Variants in NCKAP5 observed in about 807,000 individuals in gnomAD.
NCKAP5 encodes the protein NCK associated protein 5, also known as nck-associated protein 5.
In NCKAP5, 92 loss-of-function variants were observed where a neutral mutation model predicts 167.0. The ratio of observed to expected loss-of-function variants is 0.55; its 90% CI spans 0.47 to 0.66. NCKAP5 has a LOEUF of 0.66. Ranked by LOEUF, NCKAP5 falls within the 30% of genes least tolerant of loss-of-function variation. NCKAP5 has a pLI of 0.00. For missense variants in NCKAP5, 2,378 were observed against 2,315.0 expected (o/e 1.03, Z -0.56); for synonymous variants, 891 against 877.4 (o/e 1.02, Z -0.27).
intron 6 of NCKAP5, among the ~76,000 whole-genome samples, chr2:133,076,281 C>T (rs1240198064): frequency 1.3e-5 from 2 of 152,136 alleles, no homozygotes; most frequent in African/African-American, 4.8e-5. Flanking sequence ...ATTGAAAATA[C>T]CTATACTGTA....
chr2:132,991,074 G>A (rs2077434849), intron 7 of NCKAP5, among the ~76,000 whole-genome samples: 1 of 152,146 alleles, frequency 6.6e-6, no homozygotes, highest in Non-Finnish European at 1.5e-5. Flanking sequence ...GAAGTCCTCA[G>A]CATAAGAGCT....
intron 6 of NCKAP5, among the ~76,000 whole-genome samples, chr2:133,091,892 AAAAT>A (rs2081197469): frequency 6.6e-6 from 1 of 152,194 alleles, no homozygotes; most frequent in Non-Finnish European, 1.5e-5. Flanking sequence ...ACCTCAAAGA[AAAAT>A]AAATAAATAA....
At chr2:133,217,987 G>A (rs768857961) in intron 4 of NCKAP5, among the ~76,000 whole-genome samples, 2 of 152,048 alleles carry the variant, frequency 1.3e-5, no homozygotes, top group Non-Finnish European at 2.9e-5. Context: ...CTAAGTAAGA[G>A]CACTGAATGA....
At chr2:133,275,018 A>T (rs887284006) in intron 4 of NCKAP5, among the ~76,000 whole-genome samples, 16 of 152,002 alleles carry the variant, frequency 1.1e-4, no homozygotes, top group Non-Finnish European at 2.2e-4. Flanking sequence ...AACCATGAAA[A>T]ATATGTATTA....
At chr2:133,330,244 A>T (rs375499231) in intron 3 of NCKAP5, among the ~76,000 whole-genome samples, 515 of 87,956 alleles carry the variant, frequency 5.9e-3, no homozygotes, top group Admixed American at 7.0e-3. Context: ...TATTTTTTGT[A>T]TTTTTTTTTT....
intron 2 of NCKAP5, among the ~76,000 whole-genome samples, chr2:133,538,854 A>T (rs1685959298): frequency 2.6e-5 from 4 of 151,678 alleles, no homozygotes; most frequent in Admixed American, 2.6e-4. Context: ...ATAGGTCTTG[A>T]ACCAAGTCAC....
intron 5 of NCKAP5, among the ~76,000 whole-genome samples, chr2:133,173,434 A>G (rs1483643906): frequency 6.6e-6 from 1 of 152,090 alleles, no homozygotes; most frequent in Non-Finnish European, 1.5e-5. Flanking sequence ...TCCATTGTTG[A>G]TTTTGGCAAG....
chr2:133,638,614 C>T, the NCKAP5 span, among the ~76,000 whole-genome samples: 8 of 152,234 alleles, frequency 5.3e-5, no homozygotes, highest in East Asian at 1.5e-3. Flanking sequence ...AATCCCAGCG[C>T]TTTAGGAGGC....
intron 19 of NCKAP5, among the ~76,000 whole-genome samples, chr2:132,720,728 G>A (rs1192120205): frequency 2.6e-5 from 4 of 152,188 alleles, no homozygotes; most frequent in East Asian, 1.9e-4. Flanking sequence ...CCAGGGAACC[G>A]GCCCGGCACA....
At chr2:133,288,034 A>G (rs1056231014) in intron 4 of NCKAP5, among the ~76,000 whole-genome samples, 3 of 152,320 alleles carry the variant, frequency 2.0e-5, no homozygotes, top group African/African-American at 7.2e-5. Context: ...TTAGTTTGCA[A>G]ACTAATCCCT....
chr2:133,640,843 G>C, the NCKAP5 span, among the ~76,000 whole-genome samples: 1 of 152,254 alleles, frequency 6.6e-6, no homozygotes, highest in Non-Finnish European at 1.5e-5. Context: ...CAACAAATAT[G>C]AACAACTGCT....
intron 4 of NCKAP5, among the ~76,000 whole-genome samples, chr2:133,271,624 A>T (rs1288170438): frequency 6.6e-6 from 1 of 152,216 alleles, no homozygotes; most frequent in African/African-American, 2.4e-5. Context: ...GTCAGTGTTC[A>T]TAGAGAATTA....
chr2:133,527,427 A>G (rs980838230), intron 2 of NCKAP5, among the ~76,000 whole-genome samples: 5 of 152,124 alleles, frequency 3.3e-5, no homozygotes, highest in Non-Finnish European at 5.9e-5. Flanking sequence ...CCAATTACCT[A>G]GGAGCTTTTT....
chr2:133,561,404 G>T (rs1688147716), intron 1 of NCKAP5, among the ~76,000 whole-genome samples: 1 of 152,168 alleles, frequency 6.6e-6, no homozygotes, highest in Admixed American at 6.5e-5. Context: ...AGGAAGGAAA[G>T]AAATAAATGT....
intron 4 of NCKAP5, among the ~76,000 whole-genome samples, chr2:133,243,538 G>C (rs191792709): frequency 1.3e-5 from 2 of 152,230 alleles, no homozygotes; most frequent in Admixed American, 1.3e-4. Context: ...CCTCTTCCCT[G>C]CAACTACATA....
intron 3 of NCKAP5, among the ~76,000 whole-genome samples, chr2:133,510,903 A>T (rs1382622071): frequency 6.6e-6 from 1 of 152,254 alleles, no homozygotes; most frequent in Non-Finnish European, 1.5e-5. Flanking sequence ...GGGTAATTAG[A>T]GTTCCTACCT....
intron 18 of NCKAP5, among the ~76,000 whole-genome samples, chr2:132,728,072 C>G (rs921893643): frequency 1.3e-5 from 2 of 152,172 alleles, no homozygotes; most frequent in East Asian, 1.9e-4. Context: ...GAAAATGAAC[C>G]ATGTGTCTTC....
At chr2:132,931,890 T>C (rs16843794) in intron 8 of NCKAP5, among the ~76,000 whole-genome samples, 14,039 of 152,214 alleles carry the variant, frequency 0.092, 1,273 homozygotes, top group East Asian at 0.24. Context: ...AAAAATACGA[T>C]AGAAAGACAT....
At chr2:132,815,794 T>A (rs890756672) in intron 11 of NCKAP5, among the ~76,000 whole-genome samples, 1 of 152,248 alleles carries the variant, frequency 6.6e-6, no homozygotes, top group Non-Finnish European at 1.5e-5. Context: ...TAATGTTAAC[T>A]GCCTTATCAA....
Sources: gnomAD v4.1 joint callset for allele counts (sites outside exome capture counted in the v4.1 genomes callset) on GRCh38, gnomAD v4.1.1 for gene constraint, MANE v1.5 for transcripts, NCBI Gene and HGNC (gene_info 2026-07-23, HGNC 2026-07-21) for gene names.